Variants in CLTC observed in about 807,000 individuals in gnomAD.
The protein encoded by CLTC is clathrin heavy chain 1.
A neutral mutation model predicts 195.8 loss-of-function variants in CLTC; 16 were observed. The ratio of observed to expected loss-of-function variants is 0.08; its 90% CI spans 0.06 to 0.12. The LOEUF (loss-of-function observed/expected upper bound fraction) is 0.12, where lower values mean the gene tolerates loss of function less well. CLTC is among the 10% of genes least tolerant of loss of function. The pLI is 1.00. For missense variants in CLTC, 796 were observed against 2,027.0 expected (o/e 0.39, Z 11.66); for synonymous variants, 667 against 689.4 (o/e 0.97, Z 0.51).
intron 6 of CLTC, among the ~76,000 whole-genome samples, chr17:59,656,883 A>G (rs1447837958): frequency 6.6e-6 from 1 of 151,904 alleles, no homozygotes; most frequent in East Asian, 1.9e-4. Flanking sequence ...CATTTTGGCC[A>G]GGCTGGTCTC....
At chr17:59,628,911 C>G (rs1202189220) in intron 1 of CLTC, among the ~76,000 whole-genome samples, 1 of 152,140 alleles carries the variant, frequency 6.6e-6, no homozygotes, top group East Asian at 1.9e-4. Context: ...ATCTACCCTC[C>G]TCAGCTTCCC....
intron 8 of CLTC, among the ~76,000 whole-genome samples, chr17:59,663,594 A>G (rs1287080237): frequency 4.6e-5 from 7 of 152,238 alleles, no homozygotes; most frequent in Non-Finnish European, 7.3e-5. Context: ...GGTAGTTGAT[A>G]GTATCTATAA....
At chr17:59,645,469 T>C (rs990232072) in intron 2 of CLTC, among the ~76,000 whole-genome samples, 8 of 152,210 alleles carry the variant, frequency 5.3e-5, no homozygotes, top group Non-Finnish European at 1.0e-4. Flanking sequence ...ATGAGACTAA[T>C]TGACCCTTTA....
At chr17:59,636,458 ATTT>A (rs1205045809) in intron 1 of CLTC, among the ~76,000 whole-genome samples, 9 of 152,002 alleles carry the variant, frequency 5.9e-5, no homozygotes, top group Non-Finnish European at 1.0e-4. Context: ...TTTTATTTTT[ATTT>A]TTTATTTTTT....
rs990159611 is a variant in CLTC at position 59,673,896 on chromosome 17, T to G, written c.2418+124T>G. On this transcript the variant is annotated intron_variant, in intron 15 of 31. Transcript: ENST00000269122. ...GTCTGCAGCTTTTAACGTGGGATTT[T>G]TTGTTTTTGTTTTTGTTTTGGAGAC... 5 of 555,962 alleles carry G rather than the reference T, an allele frequency of 9.0e-6. No individual in the cohort carries two copies. In the African/African-American group the frequency reaches 9.7e-5, roughly 11 times the overall value. The allele number at this position is 555,962 out of a possible 1,614,324, so 34.4% of individuals were successfully genotyped here. A position where few individuals can be genotyped will look rare whatever the true frequency, so the allele number is the denominator to read the frequency against.
intron 9 of CLTC, chr17:59,664,550 C>CA (rs57413220): frequency 0.011 from 2,506 of 224,134 alleles, 21 homozygotes; most frequent in Admixed American, 0.038. Flanking sequence ...GACCCTGTCT[C>CA]AAAAAAAAAA....
chr17:59,675,600 G>C (rs1158981898), intron 16 of CLTC, among the ~76,000 whole-genome samples: 1 of 152,130 alleles, frequency 6.6e-6, no homozygotes, highest in African/African-American at 2.4e-5. Flanking sequence ...TTGCATTTAA[G>C]GGTAATAGAG....
intron 1 of CLTC, among the ~76,000 whole-genome samples, chr17:59,634,885 C>CA (rs2031818610): frequency 6.6e-6 from 1 of 152,080 alleles, no homozygotes; most frequent in African/African-American, 2.4e-5. Flanking sequence ...AGGAAGGGCT[C>CA]AATGAAGTGA....
rs371851405 is a variant in CLTC at position 59,683,354 on chromosome 17, C to T, written c.4042-33C>T. 3.7e-6 allele frequency: 6 copies of T among 1,603,776 alleles called. No individual in the cohort carries two copies. Among genetic ancestry groups the T allele is most frequent in the Non-Finnish European group, 5.1e-6 (6 of 1,175,040 alleles). ...TCTTTTTAAGGCTGTTAGCTAGACT[C>T]ATATCTAAAGCAATTAAGTCTTTCT... On this transcript the variant is annotated intron_variant, in intron 25 of 31. Transcript: ENST00000269122. This position sits in a 1 kb window ranked among gnomAD's most constrained non-coding sequence, Gnocchi z 6.1.
At chr17:59,643,963 TTAAAA>T (rs1431099490) in intron 1 of CLTC, among the ~76,000 whole-genome samples, 2 of 152,180 alleles carry the variant, frequency 1.3e-5, no homozygotes, top group Admixed American at 6.5e-5. Flanking sequence ...TTCCAAGGTC[TTAAAA>T]TAAATCAAGA....
chr17:59,648,644 G>T lies in CLTC; in HGVS notation c.681+243G>T. The T allele has an allele frequency of 2.3e-6, 1 of 434,730 alleles. No homozygotes were observed. The highest frequency in any genetic ancestry group is 4.2e-6 in the Non-Finnish European group (1 of 239,902). 26.9% of individuals were successfully genotyped at this position (434,730 alleles called of 1,614,324 possible). ...TGATTGCTAAAGTGCACATTTATAT[G>T]CTGTACATCTAGAGAGTTTGATTTA... is the stretch of plus-strand genomic sequence containing the variant. On this transcript the variant is annotated intron_variant, in intron 4 of 31. Transcript: ENST00000269122. The surrounding 1 kb of genome is among the most constrained non-coding windows in gnomAD (Gnocchi z 4.5).
chr17:59,652,485 TG>T (rs1231461773), intron 5 of CLTC, among the ~76,000 whole-genome samples: 1 of 152,258 alleles, frequency 6.6e-6, no homozygotes, highest in Non-Finnish European at 1.5e-5. Context: ...ATTACTTCTT[TG>T]GTCCATAGGC....
At chr17:59,627,890 T>A (rs1048123137) in intron 1 of CLTC, among the ~76,000 whole-genome samples, 4 of 152,244 alleles carry the variant, frequency 2.6e-5, no homozygotes, top group Admixed American at 2.6e-4. Context: ...TCTATTTTAC[T>A]GTAAATTCAT....
chr17:59,677,202 G>C lies in CLTC; in HGVS notation c.2796+14G>C. ...GAACTTATTAATGTGAGTACTGCTA[G>C]CTGAATATGTAGAGAAGCTGCATTT... is the stretch of plus-strand genomic sequence containing the variant. On this transcript the variant is annotated intron_variant, in intron 17 of 31. Transcript: ENST00000269122. The C allele has an allele frequency of 6.3e-7, 1 of 1,584,926 alleles. No individual in the cohort carries two copies. The highest frequency in any genetic ancestry group is 8.7e-7 in the Non-Finnish European group (1 of 1,153,714).
At chr17:59,646,982 T>C (rs936975666) in intron 2 of CLTC, among the ~76,000 whole-genome samples, 2 of 152,228 alleles carry the variant, frequency 1.3e-5, no homozygotes, top group Non-Finnish European at 2.9e-5. Context: ...AAAAAATACA[T>C]TTTCTTTCCC....
chr17:59,658,991 T>C (rs2032543873), intron 6 of CLTC, among the ~76,000 whole-genome samples: 1 of 152,214 alleles, frequency 6.6e-6, no homozygotes, highest in African/African-American at 2.4e-5. Flanking sequence ...TACCTATCTA[T>C]CTATTTGGTT....
intron 1 of CLTC, among the ~76,000 whole-genome samples, chr17:59,623,513 T>C (rs971261197): frequency 3.9e-5 from 6 of 152,198 alleles, no homozygotes; most frequent in Non-Finnish European, 5.9e-5. Context: ...ACACAATCAT[T>C]TTCATTTGAG....
chr17:59,672,252 G>T (rs899266439), intron 14 of CLTC, among the ~76,000 whole-genome samples: 2 of 152,024 alleles, frequency 1.3e-5, no homozygotes, highest in African/African-American at 4.8e-5. Context: ...AAATAACCTA[G>T]ATTTTGTCTA....
chr17:59,650,256 G>A (rs1415617101), intron 4 of CLTC, among the ~76,000 whole-genome samples: 2 of 152,114 alleles, frequency 1.3e-5, no homozygotes, highest in Non-Finnish European at 2.9e-5. Flanking sequence ...TAGTTTATGG[G>A]ATGTTTGTGA....
Sources: allele counts gnomAD v4.1 joint callset (sites outside exome capture counted in the v4.1 genomes callset), GRCh38; gene constraint gnomAD v4.1.1; non-coding constraint Gnocchi (gnomAD v3.1); transcripts MANE v1.5; gene names NCBI Gene and HGNC (gene_info 2026-07-23, HGNC 2026-07-21).